RANBP17: variants seen among roughly 807,000 people sequenced by gnomAD.
RANBP17 encodes ran-binding protein 17.
Under a neutral mutation model 141.2 loss-of-function variants are expected in RANBP17, and 158 were observed. The observed-to-expected ratio is 1.12, with a 90% CI of 0.98 to 1.28. RANBP17 has a LOEUF of 1.28. RANBP17 is among the 50% of genes most tolerant of loss of function. RANBP17 has a pLI of 0.00. For missense variants in RANBP17, 1,438 were observed against 1,290.7 expected, an observed-to-expected ratio of 1.11 and a Z score of -1.75; for synonymous variants, 430 against 450.0, an observed-to-expected ratio of 0.96 and a Z score of 0.56.
At chr5:171,129,089 A>G (rs976612490) in intron 14 of RANBP17, among the ~76,000 whole-genome samples, 8 of 152,118 alleles carry the variant, frequency 5.3e-5, no homozygotes, top group African/African-American at 1.9e-4. Flanking sequence ...CCCCATCACC[A>G]TTCTCTATTA....
intron 14 of RANBP17, among the ~76,000 whole-genome samples, chr5:171,035,629 C>A (rs1227840008): frequency 6.7e-6 from 1 of 149,398 alleles, no homozygotes; most frequent in Admixed American, 6.7e-5. Flanking sequence ...GAGGCATTTA[C>A]CCAGTGGCTT....
At chr5:171,241,279 T>C (rs1764863507) in intron 23 of RANBP17, 137 bp downstream of exon 23, 15 of 624,048 alleles carry the variant, frequency 2.4e-5, no homozygotes, top group Admixed American at 3.4e-5. Flanking sequence ...TGATCTAACT[T>C]ACAGAATTTG....
At chr5:171,184,303 A>G (rs1353015390) in intron 18 of RANBP17, among the ~76,000 whole-genome samples, 1 of 152,216 alleles carries the variant, frequency 6.6e-6, no homozygotes, top group East Asian at 1.9e-4. Flanking sequence ...ATTCAGCCAT[A>G]AAAAAGGAAA....
At chr5:171,078,653 A>G (rs1785083619) in intron 14 of RANBP17, among the ~76,000 whole-genome samples, 1 of 152,214 alleles carries the variant, frequency 6.6e-6, no homozygotes, top group African/African-American at 2.4e-5. Context: ...AAAATCCTAG[A>G]GCCATTAAGA....
intron 1 of RANBP17, among the ~76,000 whole-genome samples, chr5:170,870,580 A>G (rs2127321158): frequency 6.6e-6 from 1 of 152,306 alleles, no homozygotes; most frequent in South Asian, 2.1e-4. Flanking sequence ...ATAGTATTCC[A>G]TGGCTTATAT....
At chr5:171,290,423 G>A (rs1450332979) in intron 25 of RANBP17, among the ~76,000 whole-genome samples, 1 of 152,030 alleles carries the variant, frequency 6.6e-6, no homozygotes, top group Non-Finnish European at 1.5e-5. Flanking sequence ...TATTTGGGTA[G>A]GAAAGTCCAA....
chr5:171,048,577 C>T (rs1320913225), intron 14 of RANBP17, among the ~76,000 whole-genome samples: 3 of 151,916 alleles, frequency 2.0e-5, no homozygotes, highest in African/African-American at 4.8e-5. Context: ...ATTTTGTCAC[C>T]CAGGTAATAA....
chr5:171,157,624 A>G (rs1489251178), intron 14 of RANBP17, among the ~76,000 whole-genome samples: 1 of 152,224 alleles, frequency 6.6e-6, no homozygotes, highest in Admixed American at 6.5e-5. Flanking sequence ...ATTGCCTTAG[A>G]AAATAATTGC....
At chr5:171,059,005 A>G (rs1344652150) in intron 14 of RANBP17, among the ~76,000 whole-genome samples, 36 of 149,742 alleles carry the variant, frequency 2.4e-4, no homozygotes, top group African/African-American at 8.4e-4. Flanking sequence ...TTTTTGATGG[A>G]GTTGTTTTTT....
chr5:171,132,522 A>ATTAT (rs1234910128), intron 14 of RANBP17, among the ~76,000 whole-genome samples: 1 of 152,128 alleles, frequency 6.6e-6, no homozygotes, highest in Non-Finnish European at 1.5e-5. Flanking sequence ...CAGGAGTTCA[A>ATTAT]GACCAGTCTA....
chr5:170,878,612 G>C (rs928549608), intron 2 of RANBP17, among the ~76,000 whole-genome samples: 1 of 152,084 alleles, frequency 6.6e-6, no homozygotes, highest in Non-Finnish European at 1.5e-5. Context: ...AGGATGATTC[G>C]AAAGCATGCT....
rs1303419602 is a variant in RANBP17, at chr5:171,036,432, T to C, written c.1710+68055T>C. ...TACTTTTTCCTTTTGTTCTTACAATTTTCTATCTTTTTCTTTATAATTTCA... is the reference window on the plus strand; with the variant it reads ...TACTTTTTCCTTTTGTTCTTACAATCTTCTATCTTTTTCTTTATAATTTCA... On this transcript the variant is annotated intron_variant, in intron 14 of 27. Transcript: ENST00000523189. 2.6e-5 allele frequency among the ~76,000 whole-genome samples: 4 copies of C among 152,122 alleles called. No individual in the cohort carries two copies. In the East Asian group the frequency reaches 7.7e-4, roughly 29 times the overall value.
intron 25 of RANBP17, among the ~76,000 whole-genome samples, chr5:171,282,174 G>A (rs7708999): frequency 0.18 from 27,790 of 152,132 alleles, 2,929 homozygotes; most frequent in African/African-American, 0.28. Context: ...AGCATGGCAC[G>A]ATGGACTATT....
chr5:170,985,635 G>A (rs1387309227), intron 14 of RANBP17, among the ~76,000 whole-genome samples: 3 of 152,122 alleles, frequency 2.0e-5, no homozygotes, highest in Non-Finnish European at 2.9e-5. Context: ...AAACACACAC[G>A]TGTGTGCACT....
At position 170,986,052 on chromosome 5, in the gene RANBP17, A is replaced by T. The variant is rs1287145029; in HGVS notation, c.1710+17675A>T. Among the ~76,000 whole-genome samples the T allele has an allele frequency of 2.0e-5, 3 of 152,228 alleles. No homozygotes were observed. The East Asian group carries it at 5.8e-4, about 29-fold the overall frequency. ...TAATTTATAAATAAAGTTACCATACATCCAGATTTGCCTGAGATTTCCCCA... is the reference window on the plus strand; with the variant it reads ...TAATTTATAAATAAAGTTACCATACTTCCAGATTTGCCTGAGATTTCCCCA... On this transcript the variant is annotated intron_variant, in intron 14 of 27. Coordinates refer to ENST00000523189, the MANE Select transcript of RANBP17 (RefSeq NM_022897.5).
Position 170,918,786 on chromosome 5 carries a change from G to T in RANBP17, c.1028G>T (p.Gly343Val), listed in dbSNP as rs1436731759. The change falls in exon 10 of 28, where the codon GGA becomes GTA. Residue 343 changes from glycine (G) to valine (V), a missense_variant. By Grantham distance (109) the Gly-to-Val change is moderately radical. Coordinates refer to ENST00000523189, the MANE Select transcript of RANBP17 (RefSeq NM_022897.5). ...CGTTTAAAGACAAATTATCAGCTGG[G>T]AGAATTAGTTATGGTGAAGGAATAT... ...LARLKTNYQL[G>V]ELVMVKEYPE... The T allele has an allele frequency of 2.5e-6, 4 of 1,606,966 alleles. No individual in the cohort carries two copies. In the Admixed American group the frequency reaches 6.7e-5, roughly 27 times the overall value.
At chr5:171,274,149 T>TGTGC (rs34291143) in intron 25 of RANBP17, among the ~76,000 whole-genome samples, 3,504 of 126,676 alleles carry the variant, frequency 0.028, 58 homozygotes, top group East Asian at 0.063. Flanking sequence ...TGTGTGTGTG[T>TGTGC]GCGCGCGCGC....
In RANBP17 at chr5:171,267,034, T is replaced by TC. The variant is rs1183727000; in HGVS notation, c.2943+1187_2943+1188insC. 1.2e-3 allele frequency among the ~76,000 whole-genome samples: 167 copies of TC among 144,360 alleles called. 2 individuals carry two copies. The highest frequency in any genetic ancestry group is 1.4e-3 in the East Asian group (7 of 5,006). The allele number at this position is 144,360 out of a possible 152,430, so 94.7% of individuals were successfully genotyped here. On this transcript the variant is annotated intron_variant, in intron 25 of 27. Transcript: ENST00000523189. ...TCACTATATTTTCTTTTCTTTTTTT[T>TC]TTTTTTTTTTTTGAGACAGGGTCTC...
chr5:171,269,833 A>G (rs1048192094), intron 25 of RANBP17, among the ~76,000 whole-genome samples: 14 of 152,206 alleles, frequency 9.2e-5, no homozygotes, highest in African/African-American at 3.1e-4. Context: ...ACCCTATTAA[A>G]AGGAATGGAT....
Sources: gnomAD v4.1 joint callset for allele counts (sites outside exome capture counted in the v4.1 genomes callset) on GRCh38, gnomAD v4.1.1 for gene constraint, MANE v1.5 for transcripts, NCBI Gene and HGNC (gene_info 2026-07-23, HGNC 2026-07-21) for gene names.